NCR3LG1: variants seen among roughly 807,000 people sequenced by gnomAD.
NCR3LG1 encodes the protein natural killer cell cytotoxicity receptor 3 ligand 1, also known as natural cytotoxicity triggering receptor 3 ligand 1.
In NCR3LG1, 35 loss-of-function variants were observed where a neutral mutation model predicts 34.8. The ratio of observed to expected loss-of-function variants is 1.01; its 90% confidence interval spans 0.77 to 1.33. The LOEUF (loss-of-function observed/expected upper bound fraction) is 1.33, where lower values mean the gene tolerates loss of function less well. Ranked by LOEUF, NCR3LG1 falls within the 40% of genes most tolerant of loss-of-function variation. The pLI, the probability that NCR3LG1 is intolerant of heterozygous loss-of-function variation, is 0.00. For missense variants in NCR3LG1, 452 were observed against 423.3 expected (o/e 1.07, Z -0.60); for synonymous variants, 173 against 163.6 (o/e 1.06, Z -0.44).
At chr11:17,369,672 GA>G (rs747675651) in intron 4 of NCR3LG1, among the ~76,000 whole-genome samples, 1 of 152,202 alleles carries the variant, frequency 6.6e-6, no homozygotes, top group Non-Finnish European at 1.5e-5. Flanking sequence ...AGTCAATTAA[GA>G]AAAATGGCCC....
rs1953450867 is a variant in NCR3LG1, at chr11:17,374,404, T to C, written c.*1892T>C. On this transcript the variant is annotated 3_prime_UTR_variant, in exon 5 of 5. Transcript: ENST00000338965. ...TATTTGGGCAAGTATTGTCAAGAGA[T>C]CTCTTCGAATTCTTCCATTCTCAGG... 1.3e-5 allele frequency: 2 copies of C among 152,302 alleles called. No individual in the cohort carries two copies. The highest frequency in any genetic ancestry group is 4.8e-5 in the African/African-American group (2 of 41,556). The allele number at this position is 152,302 out of a possible 1,614,324, so 9.4% of individuals were successfully genotyped here. A position where few individuals can be genotyped will look rare whatever the true frequency, so the allele number is the denominator to read the frequency against.
chr11:17,371,853 T>C (rs1210314060), intron 4 of NCR3LG1, among the ~76,000 whole-genome samples, 153 bp from the exon 5 acceptor site: 3 of 152,094 alleles, frequency 2.0e-5, no homozygotes, highest in Non-Finnish European at 4.4e-5. Context: ...CATGCTTTGA[T>C]CCATGGGCAG....
At chr11:17,353,100 G>A (rs1953157943) in intron 1 of NCR3LG1, among the ~76,000 whole-genome samples, 1 of 152,164 alleles carries the variant, frequency 6.6e-6, no homozygotes, top group African/African-American at 2.4e-5. Flanking sequence ...TTCACACCAC[G>A]CCCTTGCTGC....
chr11:17,380,318 C>G (rs963015693), downstream of NCR3LG1, among the ~76,000 whole-genome samples: 1 of 152,100 alleles, frequency 6.6e-6, no homozygotes, highest in African/African-American at 2.4e-5. Flanking sequence ...ATTGGGGTGT[C>G]TAGATGGTGC....
chr11:17,352,620 C>A (rs1276028420), intron 1 of NCR3LG1, among the ~76,000 whole-genome samples: 2 of 152,090 alleles, frequency 1.3e-5, no homozygotes, highest in Non-Finnish European at 2.9e-5. Context: ...TTTGGTGCCT[C>A]GGTATTTGGC....
Position 17,367,318 on chromosome 11 carries a change from C to G in NCR3LG1, c.731C>G (p.Thr244Ser). The G allele has an allele frequency of 6.5e-7, 1 of 1,535,298 alleles. No individual in the cohort carries two copies. Among genetic ancestry groups the G allele is most frequent in the Non-Finnish European group, 8.7e-7 (1 of 1,146,268 alleles). Residue 244 changes from threonine (T) to serine (S), a missense_variant, in exon 3 of 5, where the codon ACC becomes AGC. Physicochemically the swap from Thr to Ser is moderately conservative, Grantham distance 58. Coordinates refer to ENST00000338965, the MANE Select transcript of NCR3LG1 (RefSeq NM_001202439.3). Reference sequence around the variant, plus strand: ...CATACCCCCTTGAGGAGCAACTTTACCCTGACTGCTGCTCGGCACAGTCTT... The same window carrying G: ...CATACCCCCTTGAGGAGCAACTTTAGCCTGACTGCTGCTCGGCACAGTCTT... ...SLHTPLRSNF[T>S]LTAARHSLSE...
intron 1 of NCR3LG1, among the ~76,000 whole-genome samples, chr11:17,353,479 G>A (rs1953164452): frequency 6.6e-6 from 1 of 151,552 alleles, no homozygotes; most frequent in South Asian, 2.1e-4. Flanking sequence ...TATCAGTCTG[G>A]GTCTCCTCGA....
intron 2 of NCR3LG1, among the ~76,000 whole-genome samples, chr11:17,364,901 T>C (rs1295331921): frequency 2.0e-5 from 3 of 152,228 alleles, no homozygotes; most frequent in Non-Finnish European, 4.4e-5. Context: ...TTCATTTCTT[T>C]AATGGTGTTT....
intron 2 of NCR3LG1, among the ~76,000 whole-genome samples, chr11:17,362,004 T>C (rs1434161162): frequency 6.6e-6 from 1 of 152,256 alleles, no homozygotes; most frequent in African/African-American, 2.4e-5. Context: ...CCTGTTATGC[T>C]AGCTTAGACT....
intron 2 of NCR3LG1, among the ~76,000 whole-genome samples, chr11:17,357,796 T>G (rs117376917): frequency 0.055 from 8,391 of 152,066 alleles, 262 homozygotes; most frequent in Middle Eastern, 0.092. Context: ...AACCTCAAAC[T>G]CCAGGGCTCA....
In NCR3LG1 at chr11:17,372,326, A is replaced by G; in HGVS notation, c.1179A>G (p.Thr393=). Residue 393 remains threonine (T), a synonymous_variant, in exon 5 of 5, where the codon ACA becomes ACG. Transcript: ENST00000338965. ...CRIDPALLTV[T]SGKSIDDNST... ...TTGACCCTGCTCTCCTAACAGTTAC[A>G]TCAGGCAAGTCCATAGATGATAATT... 1.4e-6 allele frequency: 1 copy of G among 703,132 alleles called. No homozygotes were observed. Among genetic ancestry groups the G allele is most frequent in the Non-Finnish European group, 2.6e-6 (1 of 385,036 alleles). 43.6% of individuals were successfully genotyped at this position (703,132 alleles called of 1,614,324 possible). A position where few individuals can be genotyped will look rare whatever the true frequency, so the allele number is the denominator to read the frequency against.
At chr11:17,357,848 G>A (rs1281893328) in intron 2 of NCR3LG1, among the ~76,000 whole-genome samples, 2 of 152,084 alleles carry the variant, frequency 1.3e-5, no homozygotes, top group South Asian at 2.1e-4. Flanking sequence ...CTAGGACCTC[G>A]GTTGCATGCC....
intron 1 of NCR3LG1, among the ~76,000 whole-genome samples, chr11:17,355,866 C>T (rs868560005): frequency 7.2e-5 from 11 of 152,120 alleles, no homozygotes; most frequent in African/African-American, 1.7e-4. Flanking sequence ...GGCATTATCA[C>T]GGCTGACTGC....
intron 3 of NCR3LG1, among the ~76,000 whole-genome samples, chr11:17,368,460 G>A (rs774117291): frequency 6.6e-6 from 1 of 152,004 alleles, no homozygotes; most frequent in African/African-American, 2.4e-5. Context: ...TTAGGACTAG[G>A]TGTGTGTGTG....
In NCR3LG1 at chr11:17,351,936, C is replaced by A; in HGVS notation, c.-34C>A. On this transcript the variant is annotated 5_prime_UTR_variant, in exon 1 of 5. An upstream open reading frame in the 5' UTR gains an earlier in-frame stop. Coordinates refer to ENST00000338965, the MANE Select transcript of NCR3LG1 (RefSeq NM_001202439.3). ...TTCTACCGGGCCGCCTGCTCCCACT[C>A]GGCGAAAAAAATTACACAACAGCAG... is the stretch of plus-strand genomic sequence containing the variant. 6.6e-7 allele frequency: 1 copy of A among 1,518,202 alleles called. No individual in the cohort carries two copies. Among genetic ancestry groups the A allele is most frequent in the Non-Finnish European group, 8.8e-7 (1 of 1,132,590 alleles). The allele number at this position is 1,518,202 out of a possible 1,614,324, so 94.0% of individuals were successfully genotyped here.
At position 17,351,987 on chromosome 11, in the gene NCR3LG1, C is replaced by A. The variant is rs1477610112; in HGVS notation, c.18C>A (p.Ala6=). ...CCGCGGCGATGACGTGGAGGGCTGC[C>A]GCCTCCACGTGCGCGGCGCTCCTGA... MTWRA[A]ASTCAALLIL... is the part of the protein sequence containing the mutation. Residue 6 remains alanine, a synonymous_variant, in exon 1 of 5, where the codon GCC becomes GCA. Transcript: ENST00000338965. The A allele has an allele frequency of 6.6e-7, 1 of 1,525,192 alleles. No individual in the cohort carries two copies. Among genetic ancestry groups the A allele is most frequent in the East Asian group, 2.5e-5 (1 of 39,416 alleles). The allele number at this position is 1,525,192 out of a possible 1,614,324, so 94.5% of individuals were successfully genotyped here. A position where few individuals can be genotyped will look rare whatever the true frequency, so the allele number is the denominator to read the frequency against.
At chr11:17,380,466 A>G (rs1314259480), downstream of NCR3LG1, among the ~76,000 whole-genome samples, 3 of 152,100 alleles carry the variant, frequency 2.0e-5, no homozygotes, top group Admixed American at 6.6e-5. Flanking sequence ...TCATTGGGTG[A>G]GTAATTATTA....
intron 2 of NCR3LG1, among the ~76,000 whole-genome samples, chr11:17,363,082 T>A (rs117100956): frequency 7.5e-6 from 1 of 132,612 alleles, no homozygotes; most frequent in Non-Finnish European, 1.6e-5. Context: ...CACCATGCCC[T>A]GCTAATTTAA....
rs905731265 is a variant in NCR3LG1 at position 17,373,768 on chromosome 11, G to A, written c.*1256G>A. On this transcript the variant is annotated 3_prime_UTR_variant, in exon 5 of 5. Coordinates refer to ENST00000338965, the MANE Select transcript of NCR3LG1 (RefSeq NM_001202439.3). ...CCTACTGTTTACACAGGCCTTTTTA[G>A]TCATGCCTGAAAGTCCCACTCCTTT... 4 of 147,346 alleles carry A rather than the reference G, an allele frequency of 2.7e-5. No individual in the cohort carries two copies. The highest frequency in any genetic ancestry group is 1.0e-4 in the African/African-American group (4 of 40,174). 9.1% of individuals were successfully genotyped at this position (147,346 alleles called of 1,614,324 possible).
Sources: allele counts gnomAD v4.1 joint callset (sites outside exome capture counted in the v4.1 genomes callset), GRCh38; gene constraint gnomAD v4.1.1; transcripts MANE v1.5; gene names NCBI Gene and HGNC (gene_info 2026-07-23, HGNC 2026-07-21).